TPH2: variants seen among roughly 807,000 people sequenced by gnomAD.
TPH2 encodes tryptophan 5-hydroxylase 2.
TPH2 carries 27 observed loss-of-function variants against 59.1 expected under a neutral mutation model. The ratio of observed to expected loss-of-function variants is 0.46; its 90% CI spans 0.34 to 0.63. TPH2 has a LOEUF of 0.63. Among genes scored for constraint, TPH2 ranks in the 30% least tolerant of loss-of-function variants. The pLI, the probability that TPH2 is intolerant of heterozygous loss-of-function variation, is 0.01. For missense variants in TPH2, 523 were observed against 588.3 expected, an observed-to-expected ratio of 0.89 and a Z score of 1.15; for synonymous variants, 220 against 210.5, an observed-to-expected ratio of 1.05 and a Z score of -0.39.
chr12:72,018,465 C>A (rs115424390), intron 8 of TPH2, among the ~76,000 whole-genome samples: 4,469 of 152,248 alleles, frequency 0.029, 219 homozygotes, highest in African/African-American at 0.1. Context: ...CTATGGCACA[C>A]CAGATTTTTT....
intron 5 of TPH2, among the ~76,000 whole-genome samples, chr12:71,966,026 TATA>T (rs1871809491): frequency 6.6e-6 from 1 of 152,218 alleles, no homozygotes; most frequent in South Asian, 2.1e-4. Context: ...AGGTTATTCT[TATA>T]ATAATGTTAG....
intron 6 of TPH2, among the ~76,000 whole-genome samples, chr12:71,977,140 C>A (rs1443679153): frequency 2.0e-5 from 3 of 152,174 alleles, no homozygotes; most frequent in South Asian, 4.1e-4. Flanking sequence ...CAACCTCCAC[C>A]TCCTAGGCTC....
chr12:71,941,725 C>A lies in TPH2; in HGVS notation c.247C>A (p.Leu83Ile), dbSNP rs148074013. 2 of 1,613,946 alleles carry A rather than the reference C, an allele frequency of 1.2e-6. No homozygotes were observed. Among genetic ancestry groups the A allele is most frequent in the East Asian group, 2.2e-5 (1 of 44,880 alleles). Reference protein sequence around the residue: ...EVGGLVKALRLFQEKRVNMVH... With the variant: ...EVGGLVKALRIFQEKRVNMVH... The stretch of plus-strand genomic sequence containing the variant: ...TGGTGGATTGGTAAAAGCACTGAGG[C>A]TCTTTCAGGTGAATGTGAAATATCA... Residue 83 changes from leucine (L) to isoleucine (I), a missense_variant, in exon 2 of 11, where the codon CTC becomes ATC. Leu to Ile is a conservative substitution (Grantham distance 5, BLOSUM62 2). Coordinates refer to ENST00000333850, the MANE Select transcript of TPH2 (RefSeq NM_173353.4).
chr12:72,031,717 C>A lies in TPH2; in HGVS notation c.*22C>A. On this transcript the variant is annotated 3_prime_UTR_variant, in exon 11 of 11. Coordinates refer to ENST00000333850, the MANE Select transcript of TPH2 (RefSeq NM_173353.4). The stretch of plus-strand genomic sequence containing the variant: ...TTGATGCCTGGAACTATGTTGTTGC[C>A]AGCATGATCTTTTTGGGGCTTAGCA... 6.2e-7 allele frequency: 1 copy of A among 1,612,964 alleles called. No individual in the cohort carries two copies. The highest frequency in any genetic ancestry group is 1.1e-5 in the South Asian group (1 of 91,042).
Position 71,984,211 on chromosome 12 carries a change from G to A in TPH2, c.941+5124G>A, listed in dbSNP as rs150590082. Among the ~76,000 whole-genome samples, 24 of 152,274 alleles carry A rather than the reference G, an allele frequency of 1.6e-4. No individual in the cohort carries two copies. The East Asian group carries it at 3.9e-3, about 24-fold the overall frequency. ...GTTGACCAGTTTAGTGGCAATTAAT[G>A]TTATTTTTAAATATAACTGTTTAAA... On this transcript the variant is annotated intron_variant, in intron 7 of 10. Transcript: ENST00000333850.
intron 8 of TPH2, among the ~76,000 whole-genome samples, chr12:72,001,693 CA>C (rs1403109445): frequency 6.6e-6 from 1 of 152,118 alleles, no homozygotes; most frequent in East Asian, 1.9e-4. Flanking sequence ...GCTGGGATTA[CA>C]AACTTCTTAG....
chr12:72,000,702 A>G (rs1266714561), intron 8 of TPH2, among the ~76,000 whole-genome samples: 1 of 152,244 alleles, frequency 6.6e-6, no homozygotes, highest in Non-Finnish European at 1.5e-5. Context: ...ATATCACCAG[A>G]TAAATATCAT....
intron 1 of TPH2, among the ~76,000 whole-genome samples, 195 bp downstream of exon 1, chr12:71,939,286 A>G (rs1870987788): frequency 6.6e-6 from 1 of 151,890 alleles, no homozygotes; most frequent in South Asian, 2.1e-4. Context: ...GAGTGTGCCA[A>G]TCACTGCGTG....
At chr12:72,027,592 A>G (rs1267641342) in intron 9 of TPH2, among the ~76,000 whole-genome samples, 1 of 152,248 alleles carries the variant, frequency 6.6e-6, no homozygotes, top group Admixed American at 6.5e-5. Flanking sequence ...GTTCTTAACC[A>G]TAAAGACCTG....
intron 7 of TPH2, among the ~76,000 whole-genome samples, chr12:71,988,756 A>T (rs140174283): frequency 5.5e-4 from 84 of 152,002 alleles, no homozygotes; most frequent in African/African-American, 2.0e-3. Context: ...TTTCCATTGC[A>T]CTCTTTCTGT....
intron 1 of TPH2, among the ~76,000 whole-genome samples, chr12:71,940,738 G>A (rs1871034689): frequency 6.6e-6 from 1 of 152,082 alleles, no homozygotes; most frequent in Admixed American, 6.5e-5. Context: ...TGTGACCTGA[G>A]TTACTGGAAT....
chr12:71,989,702 T>C (rs1357687761), intron 7 of TPH2, among the ~76,000 whole-genome samples: 1 of 152,224 alleles, frequency 6.6e-6, no homozygotes, highest in Non-Finnish European at 1.5e-5. Context: ...GAGTCAGCTT[T>C]GAAAACTGAT....
chr12:71,975,660 G>A (rs544765628), intron 6 of TPH2, among the ~76,000 whole-genome samples: 5 of 152,164 alleles, frequency 3.3e-5, no homozygotes, highest in Non-Finnish European at 7.3e-5. Flanking sequence ...CTCAGAGCAA[G>A]TCCTGCCTCC....
Position 71,941,669 on chromosome 12 carries a change from C to A in TPH2, c.191C>A (p.Thr64Lys). The change falls in exon 2 of 11, where the codon ACA becomes AAA. Residue 64 changes from threonine to lysine, a missense_variant. By Grantham distance (78) the Thr-to-Lys change is moderately conservative (BLOSUM62 -1). Transcript: ENST00000333850. ...GAAGCTGCTACCGAAAGTGGCAAGACAGCAGTTGTTTTCTCCTTGAAGAAT... is the reference window on the plus strand; with the variant it reads ...GAAGCTGCTACCGAAAGTGGCAAGAAAGCAGTTGTTTTCTCCTTGAAGAAT... ...KREAATESGK[T>K]AVVFSLKNEV... 1 of 1,614,116 alleles carries A rather than the reference C, an allele frequency of 6.2e-7. No individual in the cohort carries two copies. The highest frequency in any genetic ancestry group is 8.5e-7 in the Non-Finnish European group (1 of 1,179,988).
intron 8 of TPH2, among the ~76,000 whole-genome samples, chr12:72,014,039 T>C (rs1873171925): frequency 6.6e-6 from 1 of 152,150 alleles, no homozygotes; most frequent in Non-Finnish European, 1.5e-5. Flanking sequence ...TAGGTGTAGC[T>C]GCAGTCGTGA....
At chr12:71,995,916 T>C (rs1056156004) in intron 8 of TPH2, among the ~76,000 whole-genome samples, 1 of 152,244 alleles carries the variant, frequency 6.6e-6, no homozygotes, top group Non-Finnish European at 1.5e-5. Flanking sequence ...GGCTTCCAAT[T>C]TGTAACTTCT....
intron 7 of TPH2, among the ~76,000 whole-genome samples, chr12:71,981,854 T>C (rs374309129): frequency 1.3e-5 from 2 of 151,838 alleles, no homozygotes; most frequent in Non-Finnish European, 2.9e-5. Flanking sequence ...CAGAAGTGAA[T>C]GTAAAGCACC....
chr12:71,978,809 GTA>G, intron 6 of TPH2, 141 bp from the exon 7 acceptor site: 5 of 1,006,086 alleles, frequency 5.0e-6, no homozygotes. Context: ...GCTGTTAACA[GTA>G]TATGTCACTC....
At chr12:71,983,185 G>T (rs1000976066) in intron 7 of TPH2, among the ~76,000 whole-genome samples, 3 of 152,196 alleles carry the variant, frequency 2.0e-5, no homozygotes, top group African/African-American at 7.2e-5. Context: ...GGTGGGAGGA[G>T]TTGCTTTTCT....
Sources: gnomAD v4.1 joint callset for allele counts (sites outside exome capture counted in the v4.1 genomes callset) on GRCh38, gnomAD v4.1.1 for gene constraint, MANE v1.5 for transcripts, NCBI Gene and HGNC (gene_info 2026-07-23, HGNC 2026-07-21) for gene names.